PALM2AKAP2: variants seen among roughly 807,000 people sequenced by gnomAD.
PALM2AKAP2 encodes the protein PALM2 and AKAP2 fusion.
Under a neutral mutation model 71.5 loss-of-function variants are expected in PALM2AKAP2, and 37 were observed. That is an observed-to-expected ratio of 0.52 (90% CI 0.40 to 0.68). PALM2AKAP2 has a LOEUF of 0.68. Ranked by LOEUF, PALM2AKAP2 falls within the 30% of genes least tolerant of loss-of-function variation. PALM2AKAP2 has a pLI of 0.00. For synonymous variants in PALM2AKAP2, 468 were observed against 478.8 expected (o/e 0.98, Z 0.29); for missense variants, 1,224 against 1,191.8 (o/e 1.03, Z -0.40).
At chr9:109,698,200 A>T (rs1253084963) in intron 1 of PALM2AKAP2, among the ~76,000 whole-genome samples, 1 of 151,206 alleles carries the variant, frequency 6.6e-6, no homozygotes, top group African/African-American at 2.4e-5. Flanking sequence ...TACATCTCTC[A>T]CTGTCCATTT....
At chr9:110,086,555 T>C (rs1469648444) in intron 1 of PALM2AKAP2, among the ~76,000 whole-genome samples, 2 of 152,216 alleles carry the variant, frequency 1.3e-5, no homozygotes, top group Non-Finnish European at 2.9e-5. Flanking sequence ...ATTATTACTG[T>C]TGTACCTGTG....
At chr9:110,048,563 G>A (rs1833641875), upstream of PALM2AKAP2, 2 of 856,294 alleles carry the variant, frequency 2.3e-6, no homozygotes, top group East Asian at 3.2e-5. Context: ...GATGGGGAGG[G>A]GAGGGGAGGG....
intron 1 of PALM2AKAP2, among the ~76,000 whole-genome samples, chr9:109,648,966 C>T (rs35533417): frequency 0.034 from 5,192 of 152,176 alleles, 134 homozygotes; most frequent in Non-Finnish European, 0.053. Context: ...CCATTGTGTT[C>T]TGGCATTGAC....
intron 1 of PALM2AKAP2, among the ~76,000 whole-genome samples, chr9:110,102,771 C>T (rs535133928): frequency 4.3e-4 from 65 of 152,328 alleles, no homozygotes; most frequent in Admixed American, 5.9e-4. Flanking sequence ...CTTTCAATGA[C>T]ACTTAAAATT....
intron 1 of PALM2AKAP2, among the ~76,000 whole-genome samples, chr9:109,760,019 A>T (rs1389432782): frequency 6.6e-6 from 1 of 152,170 alleles, no homozygotes; most frequent in Non-Finnish European, 1.5e-5. Flanking sequence ...CATTTCCGTC[A>T]CCACAGTGTT....
chr9:109,793,464 A>T (rs2118885932), intron 1 of PALM2AKAP2, among the ~76,000 whole-genome samples: 1 of 152,356 alleles, frequency 6.6e-6, no homozygotes, highest in East Asian at 1.9e-4. Context: ...TGAGTCACAC[A>T]GTGATCACAA....
At chr9:110,101,120 C>A (rs1413075057) in intron 1 of PALM2AKAP2, among the ~76,000 whole-genome samples, 1 of 152,162 alleles carries the variant, frequency 6.6e-6, no homozygotes, top group Non-Finnish European at 1.5e-5. Flanking sequence ...TGAGACCAAG[C>A]CTCTGCAATG....
At chr9:109,864,211 TG>T (rs1829385857) in intron 1 of PALM2AKAP2, among the ~76,000 whole-genome samples, 1 of 152,336 alleles carries the variant, frequency 6.6e-6, no homozygotes, top group African/African-American at 2.4e-5. Flanking sequence ...GCTGCCTGGT[TG>T]TATGTGCTAA....
At chr9:110,111,482 G>A (rs570939704) in intron 1 of PALM2AKAP2, among the ~76,000 whole-genome samples, 87 of 152,340 alleles carry the variant, frequency 5.7e-4, no homozygotes, top group Non-Finnish European at 1.1e-3. Context: ...TTGCAGCATT[G>A]CATAGTGAAA....
chr9:109,680,789 G>A (rs769135103), intron 1 of PALM2AKAP2, among the ~76,000 whole-genome samples: 4 of 152,102 alleles, frequency 2.6e-5, no homozygotes, highest in Non-Finnish European at 5.9e-5. Flanking sequence ...TGTGGTTTCC[G>A]TTGGTGACAA....
chr9:109,784,276 G>A (rs1043219553), intron 1 of PALM2AKAP2, among the ~76,000 whole-genome samples: 4 of 152,178 alleles, frequency 2.6e-5, no homozygotes, highest in Non-Finnish European at 5.9e-5. Context: ...AAATAGAAAA[G>A]CACATAAGCA....
At chr9:109,752,665 T>C (rs1828902059) in intron 1 of PALM2AKAP2, among the ~76,000 whole-genome samples, 1 of 152,082 alleles carries the variant, frequency 6.6e-6, no homozygotes, top group Non-Finnish European at 1.5e-5. Context: ...TGAAGGACCT[T>C]GAAGGTGGTG....
In PALM2AKAP2 at chr9:109,950,691, C is replaced by T. The variant is rs1831616995; in HGVS notation, c.496+18663C>T. The stretch of plus-strand genomic sequence containing the variant: ...TACTCCATTTTCAAGAGAAATAACC[C>T]CTCTGGTTCCCATGCAAATCGCTTA... On this transcript the variant is annotated intron_variant, in intron 6 of 9. Transcript: ENST00000302798. 3.9e-5 allele frequency among the ~76,000 whole-genome samples: 6 copies of T among 152,316 alleles called. No individual in the cohort carries two copies. In the South Asian group the frequency reaches 1.2e-3, roughly 32 times the overall value.
intron 1 of PALM2AKAP2, among the ~76,000 whole-genome samples, chr9:109,719,392 T>G (rs1828373334): frequency 6.6e-6 from 1 of 152,164 alleles, no homozygotes; most frequent in African/African-American, 2.4e-5. Flanking sequence ...GCAAGCAACT[T>G]TATCTCAAGC....
intron 1 of PALM2AKAP2, among the ~76,000 whole-genome samples, chr9:109,782,126 C>G (rs1045767471): frequency 6.6e-6 from 1 of 152,224 alleles, no homozygotes; most frequent in African/African-American, 2.4e-5. Context: ...GACTTGCTTT[C>G]CAAACATGGA....
intron 2 of PALM2AKAP2, among the ~76,000 whole-genome samples, chr9:109,877,143 CA>C (rs1448764936): frequency 1.3e-5 from 2 of 152,158 alleles, no homozygotes; most frequent in Non-Finnish European, 2.9e-5. Context: ...ACACCAACGC[CA>C]AGGCTTCCAG....
chr9:109,908,210 C>A (rs1830491652), intron 3 of PALM2AKAP2, among the ~76,000 whole-genome samples: 1 of 152,180 alleles, frequency 6.6e-6, no homozygotes, highest in Non-Finnish European at 1.5e-5. Flanking sequence ...CCAAGCCAGG[C>A]AAGGGGTGGA....
At position 110,108,343 on chromosome 9, in the gene PALM2AKAP2, C is replaced by T. The variant is rs530627393; in HGVS notation, c.157-27784C>T. ...GGCCAGGCTGGTCCTGAACTCCTGA[C>T]CTCAGGTGATCCACCTGCCTCGGTC... On this transcript the variant is annotated intron_variant, in intron 1 of 3. Coordinates refer to ENST00000374525, the Ensembl canonical transcript of PALM2AKAP2. Among the ~76,000 whole-genome samples the T allele has an allele frequency of 4.5e-4, 69 of 152,222 alleles. 2 individuals are homozygous for T. The South Asian group carries it at 6.4e-3, about 14-fold the overall frequency.
chr9:109,929,158 G>C (rs1469546900), intron 5 of PALM2AKAP2, among the ~76,000 whole-genome samples: 1 of 149,756 alleles, frequency 6.7e-6, no homozygotes, highest in Non-Finnish European at 1.5e-5. Context: ...AAAATTCCCT[G>C]TCTGTAAGTA....
Sources: allele counts gnomAD v4.1 joint callset (sites outside exome capture counted in the v4.1 genomes callset), GRCh38; gene constraint gnomAD v4.1.1; transcripts MANE v1.5; gene names NCBI Gene and HGNC (gene_info 2026-07-23, HGNC 2026-07-21).